Variants in CPN2 observed in about 807,000 individuals in gnomAD.
CPN2 encodes carboxypeptidase N subunit 2.
For synonymous variants in CPN2, 336 were observed against 318.4 expected, an observed-to-expected ratio of 1.06 and a Z score of -0.59; for missense variants, 620 against 671.4, an observed-to-expected ratio of 0.92 and a Z score of 0.85.
rs1259566344 is a variant in CPN2 at position 194,342,717 on chromosome 3, GAGGGAGAGAGA to G, written c.-3-23_-3-13del. The G allele has an allele frequency of 5.4e-6, 6 of 1,117,096 alleles. No homozygotes were observed. Among genetic ancestry groups the G allele is most frequent in the Non-Finnish European group, 7.9e-6 (6 of 754,730 alleles). The allele number at this position is 1,117,096 out of a possible 1,614,324, so 69.2% of individuals were successfully genotyped here. On this transcript the variant is annotated splice_polypyrimidine_tract_variant and intron_variant, in intron 1 of 1. Transcript: ENST00000323830. The stretch of plus-strand genomic sequence containing the variant: ...CCAGGGAGCATCTTCTAGATTCGAG[GAGGGAGAGAGA>G]ACAGGAAGAGAAACTTGATCATCAC...
intron 1 of CPN2, among the ~76,000 whole-genome samples, chr3:194,345,807 G>T (rs570844600): frequency 6.6e-6 from 1 of 152,354 alleles, no homozygotes; most frequent in Admixed American, 6.5e-5. Flanking sequence ...CTGGGGTGAG[G>T]ATACCTCTCT....
At chr3:194,349,923 TC>T (rs1403249150) in intron 1 of CPN2, among the ~76,000 whole-genome samples, 1 of 150,578 alleles carries the variant, frequency 6.6e-6, no homozygotes, top group East Asian at 2.0e-4. Context: ...TGCCTCAGCC[TC>T]CCGAGTAGTT....
rs1338910949 is a variant in CPN2 at position 194,341,818 on chromosome 3, A to T, written c.885T>A (p.Ser295=). The change falls in exon 2 of 2, where the codon TCT becomes TCA. Residue 295 remains serine, a synonymous_variant. Transcript: ENST00000323830. ...CAGTCTCCAGCTGGTTATGGGTCAG[A>T]GACAGGCCAACCAGGCACGGGGTGT... is the stretch of plus-strand genomic sequence containing the variant. ...FAHTPCLVGL[S]LTHNQLETVA... is the part of the protein sequence containing the mutation. The T allele has an allele frequency of 6.2e-7, 1 of 1,613,820 alleles. No homozygotes were observed. Among genetic ancestry groups the T allele is most frequent in the Non-Finnish European group, 8.5e-7 (1 of 1,179,830 alleles).
chr3:194,350,769 C>A (rs909232879), intron 1 of CPN2, among the ~76,000 whole-genome samples: 1 of 151,938 alleles, frequency 6.6e-6, no homozygotes, highest in African/African-American at 2.4e-5. Context: ...GTGGGAGGAT[C>A]GCTTGAAGCC....
chr3:194,341,797 C>A lies in CPN2; in HGVS notation c.906G>T (p.Glu302Asp), dbSNP rs775706139. Residue 302 changes from glutamate (E) to aspartate (D), a missense_variant, in exon 2 of 2, where the codon GAG becomes GAT. Coordinates refer to ENST00000323830, the MANE Select transcript of CPN2 (RefSeq NM_001080513.4). ...GGGCAAAGGTGCCCTCAGCGACAGT[C>A]TCCAGCTGGTTATGGGTCAGAGACA... Reference protein sequence around the residue: ...VGLSLTHNQLETVAEGTFAHL... With the variant: ...VGLSLTHNQLDTVAEGTFAHL... The A allele has an allele frequency of 6.2e-6, 10 of 1,613,924 alleles. No homozygotes were observed. Among genetic ancestry groups the A allele is most frequent in the Non-Finnish European group, 8.5e-6 (10 of 1,179,950 alleles).
In CPN2 at chr3:194,342,353, A is replaced by C; in HGVS notation, c.350T>G (p.Phe117Cys). ...SSFLNLSTNI[F>C]SNLTSLGKLT... ...CTTGCCCAGCGAGGTCAGGTTGGAG[A>C]AGATGTTGGTGCTGAGGTTCAAGAA... The change falls in exon 2 of 2, where the codon TTC becomes TGC. Residue 117 changes from phenylalanine (F) to cysteine (C), a missense_variant. Physicochemically the swap from Phe to Cys is radical, Grantham distance 205 (BLOSUM62 -2). Coordinates refer to ENST00000323830, the MANE Select transcript of CPN2 (RefSeq NM_001080513.4). 1 of 1,613,960 alleles carries C rather than the reference A, an allele frequency of 6.2e-7. No homozygotes were observed. Among genetic ancestry groups the C allele is most frequent in the Non-Finnish European group, 8.5e-7 (1 of 1,179,972 alleles).
At chr3:194,346,604 G>A (rs1388927184) in intron 1 of CPN2, among the ~76,000 whole-genome samples, 1 of 152,196 alleles carries the variant, frequency 6.6e-6, no homozygotes, top group Non-Finnish European at 1.5e-5. Flanking sequence ...CTGTGGCTTT[G>A]ACTGCATTGC....
intron 1 of CPN2, among the ~76,000 whole-genome samples, chr3:194,346,223 C>A (rs1362819184): frequency 2.0e-5 from 3 of 152,232 alleles, no homozygotes; most frequent in Non-Finnish European, 4.4e-5. Flanking sequence ...GTCCTGACAG[C>A]CCGGGCTCTG....
intron 1 of CPN2, among the ~76,000 whole-genome samples, chr3:194,345,664 A>C (rs112782844): frequency 1.2e-3 from 190 of 152,232 alleles, no homozygotes; most frequent in African/African-American, 4.3e-3. Context: ...CCTCCCAGGG[A>C]GAGTGAGGCA....
chr3:194,344,037 C>G (rs757610436), intron 1 of CPN2, among the ~76,000 whole-genome samples: 1 of 152,148 alleles, frequency 6.6e-6, no homozygotes, highest in Non-Finnish European at 1.5e-5. Context: ...AAAAGGGGTC[C>G]GCGAATCGGG....
intron 1 of CPN2, among the ~76,000 whole-genome samples, chr3:194,344,367 T>C (rs1444079651): frequency 6.6e-6 from 1 of 152,054 alleles, no homozygotes; most frequent in African/African-American, 2.4e-5. Flanking sequence ...GTAAGGAAAA[T>C]CTCTACCAGT....
chr3:194,342,941 G>A (rs143554946), intron 1 of CPN2, among the ~76,000 whole-genome samples: 2 of 152,322 alleles, frequency 1.3e-5, no homozygotes, highest in African/African-American at 2.4e-5. Context: ...GAGACCATGG[G>A]CATTGTGGAA....
rs1439995335 is a variant in CPN2, at chr3:194,340,802, T to C, written c.*263A>G. The C allele has an allele frequency of 4.2e-6, 2 of 471,278 alleles. No individual in the cohort carries two copies. The highest frequency in any genetic ancestry group is 7.4e-6 in the Non-Finnish European group (2 of 268,580). The allele number at this position is 471,278 out of a possible 1,614,324, so 29.2% of individuals were successfully genotyped here. On this transcript the variant is annotated 3_prime_UTR_variant, in exon 2 of 2. Transcript: ENST00000323830. ...GCTGAGGATATTTTATTCTCCAGGC[T>C]GTGGTGCAGCTTTTGAGGGTGCTTT...
chr3:194,345,754 A>G (rs1334288559), intron 1 of CPN2, among the ~76,000 whole-genome samples: 1 of 152,194 alleles, frequency 6.6e-6, no homozygotes, highest in Non-Finnish European at 1.5e-5. Context: ...CGCCAGGAAA[A>G]CAGGGCCAAA....
rs775664002 is a variant in CPN2 at position 194,341,658 on chromosome 3, GGTT to G, written c.1042_1044del (p.Asn348del). 95 of 1,614,212 alleles carry G rather than the reference GGTT, an allele frequency of 5.9e-5. No homozygotes were observed. The African/African-American group carries it at 1.1e-3, about 19-fold the overall frequency. Reference sequence around the variant, plus strand: ...AAGAGGGCTGGGTGCAGCGCCGTAAGGTTGTTGCTGCCCAGGTAGAGTTTGACC... The same window carrying G: ...AAGAGGGCTGGGTGCAGCGCCGTAAGGTTGCTGCCCAGGTAGAGTTTGACC... On this transcript the variant is annotated inframe_deletion, in exon 2 of 2. Coordinates refer to ENST00000323830, the MANE Select transcript of CPN2 (RefSeq NM_001080513.4).
chr3:194,348,850 T>C lies in CPN2; in HGVS notation c.-4+2392A>G, dbSNP rs1370200122. ...GAGGCTGCAATGAGTGGGTGATTGC[T>C]CTACTGCACTCCAGCGTGAGAAGGG... On this transcript the variant is annotated intron_variant, in intron 1 of 1. Transcript: ENST00000323830. Among the ~76,000 whole-genome samples the C allele has an allele frequency of 2.0e-4, 31 of 152,004 alleles. 1 individual carries two copies. Among genetic ancestry groups the C allele is most frequent in the Non-Finnish European group, 1.5e-4 (10 of 67,980 alleles).
In CPN2 at chr3:194,350,428, C is replaced by T. The variant is rs115720002; in HGVS notation, c.-4+814G>A. ...CTGGGATCAGATTCTGACGCCATCA[C>T]CTACTAGCGGTGTGGGCTTGTGCAA... On this transcript the variant is annotated intron_variant, in intron 1 of 1. Transcript: ENST00000323830. Among the ~76,000 whole-genome samples, 1,043 of 152,342 alleles carry T rather than the reference C, an allele frequency of 6.8e-3. 14 individuals are homozygous for T. The highest frequency in any genetic ancestry group is 0.024 in the African/African-American group (987 of 41,592).
At chr3:194,349,751 C>G (rs1363448127) in intron 1 of CPN2, among the ~76,000 whole-genome samples, 2 of 147,186 alleles carry the variant, frequency 1.4e-5, no homozygotes. Context: ...CACACTTCCC[C>G]CATGAAGCCT....
rs1329523686 is a variant in CPN2, at chr3:194,342,216, T to C, written c.487A>G (p.Arg163Gly). 1.2e-6 allele frequency: 2 copies of C among 1,613,928 alleles called. No homozygotes were observed. Among genetic ancestry groups the C allele is most frequent in the South Asian group, 1.1e-5 (1 of 91,066 alleles). Residue 163 changes from arginine to glycine, a missense_variant, in exon 2 of 2, where the codon AGG becomes GGG. Coordinates refer to ENST00000323830, the MANE Select transcript of CPN2 (RefSeq NM_001080513.4). ...QGNQLQALPR[R>G]LFQPLTHLKT... ...AGATGGGTCAGAGGCTGGAAGAGCCTCCTGGGCAGGGCCTGGAGCTGGTTC... is the reference window on the plus strand; with the variant it reads ...AGATGGGTCAGAGGCTGGAAGAGCCCCCTGGGCAGGGCCTGGAGCTGGTTC...
Sources: allele counts gnomAD v4.1 joint callset (sites outside exome capture counted in the v4.1 genomes callset), GRCh38; gene constraint gnomAD v4.1.1; transcripts MANE v1.5; gene names NCBI Gene and HGNC (gene_info 2026-07-23, HGNC 2026-07-21).